The following FAM240B variants were observed in gnomAD, a reference collection of about 807,000 sequenced individuals.
FAM240B encodes protein FAM240B.
In FAM240B at chr9:38,694,647, A is replaced by G. The variant is rs907266402; in HGVS notation, c.*129T>C. 3 of 395,964 alleles carry G rather than the reference A, an allele frequency of 7.6e-6. No individual in the cohort carries two copies. The highest frequency in any genetic ancestry group is 4.1e-5 in the African/African-American group (2 of 48,568). The allele number at this position is 395,964 out of a possible 1,614,324, so 24.5% of individuals were successfully genotyped here. ...GCACTGGGGGAGGTTTCACATGTAA[A>G]TCCCCTAGCAAATGGAAGCACAAAT... On this transcript the variant is annotated 3_prime_UTR_variant, in exon 3 of 3. Coordinates refer to ENST00000637493, the MANE Select transcript of FAM240B (RefSeq NM_001394922.1).
At chr9:38,701,582 C>A (rs546975688) in intron 2 of FAM240B, among the ~76,000 whole-genome samples, 142 of 152,236 alleles carry the variant, frequency 9.3e-4, no homozygotes, top group Middle Eastern at 3.4e-3. Flanking sequence ...GAAGGAGAGA[C>A]CACAGGGAGC....
chr9:38,702,289 T>G (rs2119002367), intron 2 of FAM240B, among the ~76,000 whole-genome samples: 1 of 152,348 alleles, frequency 6.6e-6, no homozygotes, highest in East Asian at 1.9e-4. Flanking sequence ...TTGGCAGAGC[T>G]CTTCTCTGCT....
intron 2 of FAM240B, among the ~76,000 whole-genome samples, chr9:38,696,832 T>C (rs75380600): frequency 0.017 from 2,535 of 152,216 alleles, 66 homozygotes; most frequent in African/African-American, 0.057. Context: ...AAAAAAGTGA[T>C]GATTTATTGA....
chr9:38,716,172 A>G (rs922492208), intron 1 of FAM240B, among the ~76,000 whole-genome samples: 3 of 152,228 alleles, frequency 2.0e-5, no homozygotes, highest in African/African-American at 4.8e-5. Flanking sequence ...CAAGGACCTT[A>G]CTTAATATGG....
intron 1 of FAM240B, among the ~76,000 whole-genome samples, chr9:38,719,325 C>T (rs747973411): frequency 1.6e-4 from 24 of 151,852 alleles, no homozygotes; most frequent in Admixed American, 3.3e-4. Context: ...AAAATGTTAC[C>T]AATTTGGAAA....
At chr9:38,718,477 A>G (rs987716137) in intron 1 of FAM240B, among the ~76,000 whole-genome samples, 4 of 152,210 alleles carry the variant, frequency 2.6e-5, no homozygotes, top group Admixed American at 6.5e-5. Flanking sequence ...AAAGACAAGC[A>G]CAGGTTTAGG....
chr9:38,699,886 C>A (rs540414057), intron 2 of FAM240B, among the ~76,000 whole-genome samples: 1 of 152,240 alleles, frequency 6.6e-6, no homozygotes, highest in Non-Finnish European at 1.5e-5. Context: ...CAATCTTGAT[C>A]TCTGTGCTTT....
At chr9:38,707,738 G>C (rs148967637) in intron 1 of FAM240B, among the ~76,000 whole-genome samples, 1 of 150,224 alleles carries the variant, frequency 6.7e-6, no homozygotes, top group East Asian at 2.0e-4. Flanking sequence ...AGATTGCAGT[G>C]AGCTGAGGCA....
chr9:38,699,552 G>C (rs1349934634), intron 2 of FAM240B, among the ~76,000 whole-genome samples: 3 of 152,208 alleles, frequency 2.0e-5, no homozygotes, highest in African/African-American at 7.2e-5. Flanking sequence ...GGCTGGTGGG[G>C]AGTCCCTGAG....
chr9:38,718,121 GT>G (rs201351814), intron 1 of FAM240B, among the ~76,000 whole-genome samples: 1,647 of 152,282 alleles, frequency 0.011, 11 homozygotes, highest in Middle Eastern at 0.058. Flanking sequence ...AGCATACATT[GT>G]TTTTCATGGT....
chr9:38,718,234 T>C (rs1415475656), intron 1 of FAM240B, among the ~76,000 whole-genome samples: 2 of 152,170 alleles, frequency 1.3e-5, no homozygotes, highest in Admixed American at 6.5e-5. Context: ...AATTCCAGAG[T>C]AAATCATGTT....
At chr9:38,706,968 C>T (rs1174172796) in intron 1 of FAM240B, among the ~76,000 whole-genome samples, 3 of 152,168 alleles carry the variant, frequency 2.0e-5, no homozygotes, top group African/African-American at 7.2e-5. Flanking sequence ...GCTCCAGGAA[C>T]ATCTAAGGCA....
At chr9:38,714,304 C>T (rs1211473734) in intron 1 of FAM240B, among the ~76,000 whole-genome samples, 1 of 152,144 alleles carries the variant, frequency 6.6e-6, no homozygotes. Context: ...TTATTGCAGG[C>T]AGAATCCATT....
rs890788413 is a variant in FAM240B at position 38,703,953 on chromosome 9, C to A, written c.47G>T (p.Cys16Phe). The change falls in exon 2 of 3, where the codon TGT (cysteine) becomes TTT (phenylalanine). Residue 16 changes from cysteine (C) to phenylalanine (F), a missense_variant. By Grantham distance (205) the Cys-to-Phe change is radical. Transcript: ENST00000637493. ...IRREVFCCGT[C>F]HELKSFWEKE... ...TTCCCAGAAGCTTTTGAGCTCATGA[C>A]AAGTTCCACAGCAGAAGACTTCTCG... The A allele has an allele frequency of 1.2e-5, 5 of 400,382 alleles. No homozygotes were observed. Among genetic ancestry groups the A allele is most frequent in the Non-Finnish European group, 2.2e-5 (5 of 226,112 alleles). The allele number at this position is 400,382 out of a possible 1,614,324, so 24.8% of individuals were successfully genotyped here. A position where few individuals can be genotyped will look rare whatever the true frequency, so the allele number is the denominator to read the frequency against.
chr9:38,706,280 T>C (rs1821189400), intron 1 of FAM240B, among the ~76,000 whole-genome samples: 1 of 152,096 alleles, frequency 6.6e-6, no homozygotes, highest in African/African-American at 2.4e-5. Context: ...TAGACAGTGT[T>C]GAGGTTCCAC....
At chr9:38,695,285 G>A (rs1401063489) in intron 2 of FAM240B, among the ~76,000 whole-genome samples, 4 of 152,236 alleles carry the variant, frequency 2.6e-5, no homozygotes, top group South Asian at 2.1e-4. Context: ...TTGGGAGGCC[G>A]AGGCGGGCGG....
At chr9:38,716,888 T>C (rs543559124) in intron 1 of FAM240B, among the ~76,000 whole-genome samples, 2 of 152,332 alleles carry the variant, frequency 1.3e-5, no homozygotes, top group African/African-American at 4.8e-5. Context: ...CGAAGGCTCA[T>C]GAGTGATCTC....
chr9:38,694,981 G>C, intron 2 of FAM240B, 112 bp from the exon 3 acceptor site: 2 of 396,378 alleles, frequency 5.0e-6, no homozygotes, highest in Non-Finnish European at 8.9e-6. Context: ...GAAACCCATT[G>C]TGTGTTCCCC....
At chr9:38,699,542 G>C (rs1821100533) in intron 2 of FAM240B, among the ~76,000 whole-genome samples, 1 of 152,180 alleles carries the variant, frequency 6.6e-6, no homozygotes, top group South Asian at 2.1e-4. Flanking sequence ...GCTTGAGCTG[G>C]GCTGGTGGGG....
Sources: gnomAD v4.1 joint callset for allele counts (sites outside exome capture counted in the v4.1 genomes callset) on GRCh38, gnomAD v4.1.1 for gene constraint, MANE v1.5 for transcripts, NCBI Gene and HGNC (gene_info 2026-07-23, HGNC 2026-07-21) for gene names.